The following IL22RA1 variants were observed in gnomAD, a reference collection of about 807,000 sequenced individuals.
IL22RA1 encodes the protein interleukin-22 receptor subunit alpha-1.
Under a neutral mutation model 32.8 loss-of-function variants are expected in IL22RA1, and 25 were observed. The observed-to-expected ratio is 0.76, with a 90% CI of 0.55 to 1.06. The LOEUF is 1.06. Ranked by LOEUF, IL22RA1 falls within the 50% of genes least tolerant of loss-of-function variation. IL22RA1 has a pLI of 0.00. For missense variants in IL22RA1, 709 were observed against 727.4 expected, an observed-to-expected ratio of 0.97 and a Z score of 0.29; for synonymous variants, 305 against 305.0, an observed-to-expected ratio of 1.00 and a Z score of 0.00.
intron 3 of IL22RA1, among the ~76,000 whole-genome samples, chr1:24,136,742 G>T (rs1401526516): frequency 6.6e-6 from 1 of 152,196 alleles, no homozygotes; most frequent in Non-Finnish European, 1.5e-5. Flanking sequence ...CTGCCCGAGG[G>T]TTTTAAGCTG....
At chr1:24,142,584 G>A (rs1644288925) in intron 1 of IL22RA1, among the ~76,000 whole-genome samples, 1 of 152,214 alleles carries the variant, frequency 6.6e-6, no homozygotes, top group South Asian at 2.1e-4. Context: ...GCAGGGGCAT[G>A]GAGGGAGGCA....
chr1:24,123,227 T>G lies in IL22RA1; in HGVS notation c.792+75A>C. On this transcript the variant is annotated intron_variant, in intron 6 of 6. Transcript: ENST00000270800. ...TGCTTTGTCTGTGGATCCCTGCATTTTGGGGACAACTGGGGACCTCGGAGC... is the reference window on the plus strand; with the variant it reads ...TGCTTTGTCTGTGGATCCCTGCATTGTGGGGACAACTGGGGACCTCGGAGC... 13 of 1,532,358 alleles carry G rather than the reference T, an allele frequency of 8.5e-6. 1 individual carries two copies. In the South Asian group the frequency reaches 1.7e-4, roughly 20 times the overall value. 94.9% of individuals were successfully genotyped at this position (1,532,358 alleles called of 1,614,324 possible).
chr1:24,128,399 C>G, intron 4 of IL22RA1, 120 bp from the exon 5 acceptor site: 1 of 1,201,446 alleles, frequency 8.3e-7, no homozygotes, highest in South Asian at 1.3e-5. Flanking sequence ...TGTCTTCAGC[C>G]TCTGTTTCCA....
At chr1:24,126,288 C>G (rs1644161143) in intron 5 of IL22RA1, among the ~76,000 whole-genome samples, 1 of 152,270 alleles carries the variant, frequency 6.6e-6, no homozygotes, top group South Asian at 2.1e-4. Context: ...GCATAGCTCC[C>G]CTGCCAATTG....
chr1:24,129,573 CT>C (rs1177429408), intron 4 of IL22RA1, among the ~76,000 whole-genome samples: 1 of 152,224 alleles, frequency 6.6e-6, no homozygotes, highest in Non-Finnish European at 1.5e-5. Context: ...CCTCTCATAT[CT>C]TTGGTATCAA....
At chr1:24,123,271 C>A in intron 6 of IL22RA1, 31 bp downstream of exon 6, 1 of 1,606,108 alleles carries the variant, frequency 6.2e-7, no homozygotes, top group Non-Finnish European at 8.5e-7. Context: ...TCCCCTGGAC[C>A]TCTCCCTCCC....
intron 5 of IL22RA1, among the ~76,000 whole-genome samples, chr1:24,127,312 A>AC (rs1405546083): frequency 2.0e-5 from 3 of 148,318 alleles, no homozygotes; most frequent in Non-Finnish European, 4.5e-5. Context: ...TGGGCAAGTC[A>AC]CTTTTTTTTT....
In IL22RA1 at chr1:24,120,968, G is replaced by C. The variant is rs1644115675; in HGVS notation, c.1562C>G (p.Ser521Cys). 2 of 1,614,038 alleles carry C rather than the reference G, an allele frequency of 1.2e-6. No individual in the cohort carries two copies. Among genetic ancestry groups the C allele is most frequent in the Admixed American group, 1.7e-5 (1 of 60,008 alleles). Residue 521 changes from serine to cysteine, a missense_variant, in exon 7 of 7, where the codon TCC becomes TGC. By Grantham distance (112) the Ser-to-Cys change is moderately radical. Transcript: ENST00000270800. ...LPLQPPSRPC[S>C]PSDQGPSPWG... The stretch of plus-strand genomic sequence containing the variant: ...GGGACTTGGACCTTGGTCCGAGGGG[G>C]AACATGGACGGGAAGGAGGTTGCAA...
At chr1:24,135,223 A>G (rs920625225) in intron 3 of IL22RA1, among the ~76,000 whole-genome samples, 1 of 152,246 alleles carries the variant, frequency 6.6e-6, no homozygotes, top group Admixed American at 6.5e-5. Context: ...TGATATGGGT[A>G]AATGTTCATG....
rs777726789 is a variant in IL22RA1, at chr1:24,121,405, T to C, written c.1125A>G (p.Pro375=). 1 of 1,553,488 alleles carries C rather than the reference T, an allele frequency of 6.4e-7. No homozygotes were observed. Among genetic ancestry groups the C allele is most frequent in the Non-Finnish European group, 8.7e-7 (1 of 1,148,746 alleles). The change falls in exon 7 of 7, where the codon CCA becomes CCG. Residue 375 remains proline, a synonymous_variant. Coordinates refer to ENST00000270800, the MANE Select transcript of IL22RA1 (RefSeq NM_021258.4). ...TAGAGATGGCCTGTGGGGCGTAGAA[T>C]GGGAATTGAGCTTCGGGGGTCACCT... is the stretch of plus-strand genomic sequence containing the variant. ...APQVTPEAQF[P]FYAPQAISKV... is the part of the protein sequence containing the mutation.
Position 24,121,239 on chromosome 1 carries a change from G to A in IL22RA1, c.1291C>T (p.Leu431Phe). 2 of 1,614,222 alleles carry A rather than the reference G, an allele frequency of 1.2e-6. No individual in the cohort carries two copies. Among genetic ancestry groups the A allele is most frequent in the South Asian group, 1.1e-5 (1 of 91,084 alleles). ...CTTCCAGCTGGTGGCTCTTTCTGAA[G>A]CTGACCTTTAGGCCTAAGGTGTTTA... Reference protein sequence around the residue: ...SPKHLRPKGQLQKEPPAGSCM... With the variant: ...SPKHLRPKGQFQKEPPAGSCM... Residue 431 changes from leucine to phenylalanine, a missense_variant, in exon 7 of 7, where the codon CTT becomes TTT. Leu to Phe is a conservative substitution (Grantham distance 22). Coordinates refer to ENST00000270800, the MANE Select transcript of IL22RA1 (RefSeq NM_021258.4).
intron 5 of IL22RA1, among the ~76,000 whole-genome samples, chr1:24,124,492 A>C (rs1644147810): frequency 6.6e-6 from 1 of 152,116 alleles, no homozygotes. Context: ...GGGCTTGTGA[A>C]GGACTTATGG....
chr1:24,133,695 C>T (rs1412281666), intron 4 of IL22RA1, among the ~76,000 whole-genome samples: 9 of 152,170 alleles, frequency 5.9e-5, no homozygotes, highest in Non-Finnish European at 1.5e-5. Flanking sequence ...AGAGGTTGTT[C>T]CCCAGGATGT....
intron 4 of IL22RA1, among the ~76,000 whole-genome samples, chr1:24,133,631 A>C (rs1644221550): frequency 6.6e-6 from 1 of 152,222 alleles, no homozygotes; most frequent in Admixed American, 6.5e-5. Context: ...AAACTACTGC[A>C]GCAGTAGAAA....
chr1:24,129,455 T>C (rs1419719074), intron 4 of IL22RA1, among the ~76,000 whole-genome samples: 1 of 152,236 alleles, frequency 6.6e-6, no homozygotes, highest in African/African-American at 2.4e-5. Flanking sequence ...GCTGGCCCCA[T>C]CCCAGACCCC....
intron 1 of IL22RA1, among the ~76,000 whole-genome samples, chr1:24,139,879 CTTATT>C (rs999484353): frequency 6.6e-6 from 1 of 152,284 alleles, no homozygotes; most frequent in African/African-American, 2.4e-5. Flanking sequence ...TGTCCTCACC[CTTATT>C]TTAGAGATAT....
rs1644117658 is a variant in IL22RA1, at chr1:24,121,169, G to A, written c.1361C>T (p.Ala454Val). 1.9e-6 allele frequency: 3 copies of A among 1,614,074 alleles called. No homozygotes were observed. The highest frequency in any genetic ancestry group is 2.5e-6 in the Non-Finnish European group (3 of 1,180,036). Residue 454 changes from alanine (A) to valine (V), a missense_variant, in exon 7 of 7, where the codon GCT (alanine) becomes GTT (valine). Transcript: ENST00000270800. ...TTTTGCTTCTTGGGATTCCTCCATA[G>A]CCAAGGAGGTCACCTCCTGCAGAGA... is the stretch of plus-strand genomic sequence containing the variant. ...GLSLQEVTSL[A>V]MEESQEAKSL... is the part of the protein sequence containing the mutation.
Position 24,123,378 on chromosome 1 carries a change from A to T in IL22RA1, c.716T>A (p.Met239Lys). 6.2e-7 allele frequency: 1 copy of T among 1,614,056 alleles called. No individual in the cohort carries two copies. The highest frequency in any genetic ancestry group is 8.5e-7 in the Non-Finnish European group (1 of 1,179,984). The part of the protein sequence containing the change: ...YSFSGAFLFS[M>K]GFLVAVLCYL... The stretch of plus-strand genomic sequence containing the variant: ...GCAGAGTACTGCGACGAGGAAGCCC[A>T]TGGAGAACAGGAAGGCTCCGGAGAA... The change falls in exon 6 of 7, where the codon ATG becomes AAG. Residue 239 changes from methionine (M) to lysine (K), a missense_variant. By Grantham distance (95) the Met-to-Lys change is moderately conservative. Transcript: ENST00000270800.
At chr1:24,123,189 C>G in intron 6 of IL22RA1, 113 bp downstream of exon 6, 2 of 1,423,192 alleles carry the variant, frequency 1.4e-6, no homozygotes, top group Non-Finnish European at 9.3e-7. Context: ...ATGGAGAGAG[C>G]AGGCCCATCT....
Sources: gnomAD v4.1 joint callset for allele counts (sites outside exome capture counted in the v4.1 genomes callset) on GRCh38, gnomAD v4.1.1 for gene constraint, MANE v1.5 for transcripts, NCBI Gene and HGNC (gene_info 2026-07-23, HGNC 2026-07-21) for gene names.